Variants in CNTN6 observed in about 807,000 individuals in gnomAD.
CNTN6 encodes contactin 6.
A neutral mutation model predicts 122.8 loss-of-function variants in CNTN6; 137 were observed. The ratio of observed to expected loss-of-function variants is 1.12; its 90% confidence interval spans 0.97 to 1.29. The LOEUF (loss-of-function observed/expected upper bound fraction) is 1.29, where lower values mean the gene tolerates loss of function less well. Ranked by LOEUF, CNTN6 falls within the 50% of genes most tolerant of loss-of-function variation. CNTN6 has a pLI of 0.00. For synonymous variants in CNTN6, 570 were observed against 426.0 expected (o/e 1.34, Z -4.16); for missense variants, 1,634 against 1,223.4 (o/e 1.34, Z -5.01).
intron 20 of CNTN6, among the ~76,000 whole-genome samples, chr3:1,396,647 C>G (rs572572475): frequency 6.6e-6 from 1 of 152,208 alleles, no homozygotes; most frequent in African/African-American, 2.4e-5. Flanking sequence ...TGTTATTATA[C>G]TCCTCCTTTA....
intron 1 of CNTN6, among the ~76,000 whole-genome samples, chr3:1,139,124 T>C (rs2092553069): frequency 6.6e-6 from 1 of 152,180 alleles, no homozygotes; most frequent in Non-Finnish European, 1.5e-5. Flanking sequence ...GCCACTTCCA[T>C]TTGTTTATGT....
At chr3:1,280,931 C>T (rs1575538366) in intron 5 of CNTN6, among the ~76,000 whole-genome samples, 2 of 152,228 alleles carry the variant, frequency 1.3e-5, no homozygotes, top group East Asian at 3.9e-4. Context: ...AGCATTTGTC[C>T]AATGTCAAAG....
At chr3:1,170,312 T>C (rs1019516191) in intron 2 of CNTN6, among the ~76,000 whole-genome samples, 1 of 149,012 alleles carries the variant, frequency 6.7e-6, no homozygotes, top group Non-Finnish European at 1.5e-5. Context: ...TCTTTAATTA[T>C]AATCATTTAA....
intron 2 of CNTN6, among the ~76,000 whole-genome samples, chr3:1,214,301 CTTTTTTTTTTTTT>C (rs34799447): frequency 2.3e-5 from 1 of 44,034 alleles, no homozygotes; most frequent in African/African-American, 9.9e-5. Flanking sequence ...TGTTGGATGT[CTTTTTTTTTTTTT>C]TTTTTTTTTT....
At chr3:1,251,929 A>T (rs2094677831) in intron 4 of CNTN6, among the ~76,000 whole-genome samples, 1 of 152,110 alleles carries the variant, frequency 6.6e-6, no homozygotes, top group Admixed American at 6.6e-5. Context: ...CTTTGGCTGT[A>T]CTTGAGATGT....
Position 1,225,172 on chromosome 3 carries a change from T to C in CNTN6, c.183-2646T>C, listed in dbSNP as rs532280124. On this transcript the variant is annotated intron_variant, in intron 3 of 22. Transcript: ENST00000446702. ...ACTAATATGATATTAATTCAGATGC[T>C]AAAAGCAATCATTTAAAACACATTT... 3.3e-5 allele frequency among the ~76,000 whole-genome samples: 5 copies of C among 152,346 alleles called. No homozygotes were observed. In the East Asian group the frequency reaches 9.6e-4, roughly 29 times the overall value.
At chr3:1,344,875 C>T (rs757531506) in intron 11 of CNTN6, among the ~76,000 whole-genome samples, 11 of 152,120 alleles carry the variant, frequency 7.2e-5, no homozygotes, top group African/African-American at 2.2e-4. Context: ...GTGTGATCTA[C>T]GTTACTTGGT....
At chr3:1,399,942 A>G (rs1187437156) in intron 20 of CNTN6, among the ~76,000 whole-genome samples, 1 of 152,196 alleles carries the variant, frequency 6.6e-6, no homozygotes, top group Non-Finnish European at 1.5e-5. Context: ...TCACATCCCA[A>G]CTGGACTGTA....
intron 1 of CNTN6, among the ~76,000 whole-genome samples, chr3:1,123,132 G>A (rs2092025219): frequency 6.6e-6 from 1 of 151,774 alleles, no homozygotes; most frequent in African/African-American, 2.4e-5. Flanking sequence ...TCAGGCCCTT[G>A]CAATTACATA....
Position 1,183,604 on chromosome 3 carries a change from GC to G in CNTN6, c.55+35542del, listed in dbSNP as rs538386966. 1.8e-4 allele frequency among the ~76,000 whole-genome samples: 28 copies of G among 151,772 alleles called. No homozygotes were observed. In the East Asian group the frequency reaches 5.4e-3, roughly 29 times the overall value. ...ACATTCCTACATTTTTATTTAAATG[GC>G]TTTTACATCTTATAAAAAGAGTACT... On this transcript the variant is annotated intron_variant, in intron 2 of 22. Transcript: ENST00000446702.
chr3:1,141,967 A>G (rs2092617983), intron 1 of CNTN6, among the ~76,000 whole-genome samples: 1 of 152,126 alleles, frequency 6.6e-6, no homozygotes, highest in African/African-American at 2.4e-5. Flanking sequence ...ACTCCTCTGT[A>G]AAAGATAGAT....
chr3:1,185,742 TA>T, intron 2 of CNTN6, among the ~76,000 whole-genome samples: 1 of 152,168 alleles, frequency 6.6e-6, no homozygotes, highest in Non-Finnish European at 1.5e-5. Flanking sequence ...TGCCCCTCTG[TA>T]AGCTTGAATA....
chr3:1,299,437 A>G lies in CNTN6; in HGVS notation c.761+1446A>G, dbSNP rs1234727315. Reference sequence around the variant, plus strand: ...TCAGGAAATATAGATTCCTGAAATTAAAAAATGGTCTTCCACAATAAAATA... The same window carrying G: ...TCAGGAAATATAGATTCCTGAAATTGAAAAATGGTCTTCCACAATAAAATA... On this transcript the variant is annotated intron_variant, in intron 7 of 22. Transcript: ENST00000446702. 2.6e-5 allele frequency among the ~76,000 whole-genome samples: 4 copies of G among 152,318 alleles called. No individual in the cohort carries two copies. In the South Asian group the frequency reaches 8.3e-4, roughly 32 times the overall value.
intron 1 of CNTN6, among the ~76,000 whole-genome samples, chr3:1,121,553 T>C (rs778363545): frequency 7.2e-5 from 11 of 151,954 alleles, no homozygotes; most frequent in Non-Finnish European, 1.6e-4. Context: ...TTCTCCTACC[T>C]TACTGATTTC....
intron 1 of CNTN6, among the ~76,000 whole-genome samples, chr3:1,130,378 G>A (rs2092305339): frequency 6.6e-6 from 1 of 151,984 alleles, no homozygotes; most frequent in African/African-American, 2.4e-5. Context: ...CTATTTTCTG[G>A]CCTAGGAAGC....
intron 2 of CNTN6, among the ~76,000 whole-genome samples, chr3:1,208,703 G>A (rs1166428651): frequency 1.3e-5 from 2 of 152,070 alleles, no homozygotes; most frequent in African/African-American, 4.8e-5. Flanking sequence ...TATTGAACAA[G>A]TTATTTCCAT....
In CNTN6 at chr3:1,329,904, A is replaced by G; in HGVS notation, c.1333A>G (p.Arg445Gly). Residue 445 changes from arginine (R) to glycine (G), a missense_variant, in exon 11 of 23, where the codon AGA becomes GGA. Physicochemically the swap from Arg to Gly is moderately radical, Grantham distance 125 (BLOSUM62 -2). Coordinates refer to ENST00000446702, the MANE Select transcript of CNTN6 (RefSeq NM_001289080.2). ...AFPRAAISWK[R>G]GTETLRQSKR... ...TCCCAGGGCAGCTATCTCTTGGAAA[A>G]GAGGAACGGAGACCCTTAGACAAAG... is the stretch of plus-strand genomic sequence containing the variant. 2 of 1,609,878 alleles carry G rather than the reference A, an allele frequency of 1.2e-6. No individual in the cohort carries two copies. The highest frequency in any genetic ancestry group is 1.7e-6 in the Non-Finnish European group (2 of 1,177,518).
At chr3:1,174,018 A>T (rs1047368765) in intron 2 of CNTN6, among the ~76,000 whole-genome samples, 11 of 152,186 alleles carry the variant, frequency 7.2e-5, no homozygotes, top group African/African-American at 2.7e-4. Context: ...TGGAGAAAAC[A>T]CCAGTAATAG....
Position 1,297,072 on chromosome 3 carries a change from A to G in CNTN6, c.659-817A>G, listed in dbSNP as rs190441409. Among the ~76,000 whole-genome samples, 276 of 152,278 alleles carry G rather than the reference A, an allele frequency of 1.8e-3. 2 individuals are homozygous for G. Among genetic ancestry groups the G allele is most frequent in the African/African-American group, 6.0e-3 (248 of 41,586 alleles). ...AAAACCTACCAACTTAGTTGAATGA[A>G]GTAGTACTCACTACCTTCTCACCAT... On this transcript the variant is annotated intron_variant, in intron 6 of 22. Coordinates refer to ENST00000446702, the MANE Select transcript of CNTN6 (RefSeq NM_001289080.2).
Sources: allele counts gnomAD v4.1 joint callset (sites outside exome capture counted in the v4.1 genomes callset), GRCh38; gene constraint gnomAD v4.1.1; transcripts MANE v1.5; gene names NCBI Gene and HGNC (gene_info 2026-07-23, HGNC 2026-07-21).